CDH13: variants seen among roughly 807,000 people sequenced by gnomAD.
CDH13 encodes the protein cadherin 13.
In CDH13, 24 loss-of-function variants were observed where a neutral mutation model predicts 63.8. The observed-to-expected ratio is 0.38, with a 90% CI of 0.27 to 0.53. The LOEUF (loss-of-function observed/expected upper bound fraction) is 0.53, where lower values mean the gene tolerates loss of function less well. CDH13 is among the 20% of genes least tolerant of loss of function. The pLI, the probability that CDH13 is intolerant of heterozygous loss-of-function variation, is 0.85. For synonymous variants in CDH13, 503 were observed against 355.3 expected (o/e 1.42, Z -4.67); for missense variants, 1,049 against 903.1 (o/e 1.16, Z -2.07).
chr16:82,897,190 A>G (rs1053734988), intron 2 of CDH13, among the ~76,000 whole-genome samples: 4 of 152,142 alleles, frequency 2.6e-5, no homozygotes, highest in African/African-American at 9.7e-5. Flanking sequence ...GCCTTAGCAT[A>G]GCTTTTGAAC....
intron 4 of CDH13, among the ~76,000 whole-genome samples, chr16:83,140,546 C>G (rs1051083644): frequency 3.3e-5 from 5 of 152,236 alleles, no homozygotes; most frequent in African/African-American, 9.6e-5. Flanking sequence ...CTCGCTGTCT[C>G]AGGTTCAAGT....
intron 1 of CDH13, chr16:82,639,327 G>A (rs1331384532): frequency 4.7e-6 from 7 of 1,478,778 alleles, no homozygotes; most frequent in Non-Finnish European, 4.6e-6. Flanking sequence ...GGTCATTTGT[G>A]TTCTTTGTCT....
intron 7 of CDH13, among the ~76,000 whole-genome samples, chr16:83,595,621 C>T (rs1230126080): frequency 6.6e-6 from 1 of 152,176 alleles, no homozygotes; most frequent in Admixed American, 6.5e-5. Context: ...ATCCAGGTTT[C>T]TTCCTTTTGA....
intron 7 of CDH13, among the ~76,000 whole-genome samples, chr16:83,492,039 C>T (rs2074025579): frequency 6.6e-6 from 1 of 152,138 alleles, no homozygotes; most frequent in Admixed American, 6.5e-5. Context: ...CATCCTATGC[C>T]ATCTAGCCAA....
rs2169450 is a variant in CDH13 at position 82,810,440 on chromosome 16, C to T, written c.46-47922C>T. 2.4e-3 allele frequency among the ~76,000 whole-genome samples: 358 copies of T among 152,124 alleles called. 2 individuals are homozygous for T. Among genetic ancestry groups the T allele is most frequent in the Non-Finnish European group, 3.8e-3 (259 of 67,988 alleles). The stretch of plus-strand genomic sequence containing the variant: ...AATCCTTGGGAACTTTAATCGTCTC[C>T]TCAATAATTCTCATTTTGAGAGGAT... On this transcript the variant is annotated intron_variant, in intron 1 of 13. Coordinates refer to ENST00000567109, the MANE Select transcript of CDH13 (RefSeq NM_001257.5).
chr16:83,738,409 A>G (rs192236571), intron 10 of CDH13, among the ~76,000 whole-genome samples: 19 of 152,330 alleles, frequency 1.2e-4, no homozygotes, highest in African/African-American at 4.6e-4. Flanking sequence ...TTATCTCTGG[A>G]AGTGGATTAG....
At chr16:83,301,534 G>A (rs1313407939) in intron 5 of CDH13, among the ~76,000 whole-genome samples, 3 of 152,094 alleles carry the variant, frequency 2.0e-5, no homozygotes, top group South Asian at 4.2e-4. Context: ...GAAGGGTCTC[G>A]TGGGGAGGGA....
intron 3 of CDH13, among the ~76,000 whole-genome samples, chr16:83,091,315 T>G (rs960905487): frequency 6.6e-6 from 1 of 152,228 alleles, no homozygotes; most frequent in Non-Finnish European, 1.5e-5. Context: ...CTACTTTATG[T>G]TGAATTATTT....
intron 1 of CDH13, among the ~76,000 whole-genome samples, chr16:82,664,937 C>G (rs1233637215): frequency 6.6e-6 from 1 of 151,976 alleles, no homozygotes; most frequent in Non-Finnish European, 1.5e-5. Context: ...GTAATTGATT[C>G]TCATTATTCA....
chr16:82,860,707 A>G (rs549248001), intron 2 of CDH13, among the ~76,000 whole-genome samples: 2 of 152,262 alleles, frequency 1.3e-5, no homozygotes, highest in South Asian at 2.1e-4. Flanking sequence ...AGCAATGAAC[A>G]TATTATGAGT....
chr16:83,419,154 T>C (rs771862073), intron 6 of CDH13, among the ~76,000 whole-genome samples: 2 of 152,158 alleles, frequency 1.3e-5, no homozygotes, highest in Admixed American at 6.5e-5. Flanking sequence ...TGCTGCTTGC[T>C]TTTCATGAAA....
chr16:83,324,013 A>G (rs1021004995), intron 5 of CDH13, among the ~76,000 whole-genome samples: 1 of 150,212 alleles, frequency 6.7e-6, no homozygotes, highest in Non-Finnish European at 1.5e-5. Flanking sequence ...TCATGCAACC[A>G]TCATCACAGG....
At chr16:83,035,187 A>G (rs1916738607) in intron 3 of CDH13, among the ~76,000 whole-genome samples, 1 of 152,234 alleles carries the variant, frequency 6.6e-6, no homozygotes, top group East Asian at 1.9e-4. Context: ...TGCACGTGGT[A>G]TGTTTGCAGG....
At chr16:83,768,926 T>C (rs990302216) in intron 11 of CDH13, among the ~76,000 whole-genome samples, 2 of 152,206 alleles carry the variant, frequency 1.3e-5, no homozygotes, top group African/African-American at 4.8e-5. Flanking sequence ...TTAGAATGCC[T>C]TAACCGTCTG....
chr16:82,888,630 C>A (rs1171776839), intron 2 of CDH13, among the ~76,000 whole-genome samples: 1 of 152,188 alleles, frequency 6.6e-6, no homozygotes, highest in African/African-American at 2.4e-5. Context: ...GCCTTGTAGA[C>A]CTCCCCTAGC....
chr16:83,750,701 T>C (rs1306981489), intron 11 of CDH13, among the ~76,000 whole-genome samples: 1 of 152,124 alleles, frequency 6.6e-6, no homozygotes, highest in Non-Finnish European at 1.5e-5. Flanking sequence ...GTCAAGGAGT[T>C]CCAAAGATTC....
At chr16:82,810,221 A>G (rs2037373381) in intron 1 of CDH13, among the ~76,000 whole-genome samples, 1 of 152,236 alleles carries the variant, frequency 6.6e-6, no homozygotes, top group African/African-American at 2.4e-5. Flanking sequence ...CCAGTTCAAC[A>G]AAAGAATAAC....
At chr16:82,957,654 G>T (rs963536378) in intron 2 of CDH13, among the ~76,000 whole-genome samples, 1 of 152,156 alleles carries the variant, frequency 6.6e-6, no homozygotes, top group African/African-American at 2.4e-5. Flanking sequence ...GACTCAGAAA[G>T]GTCTGGATGC....
chr16:83,226,879 C>T (rs111798036), intron 5 of CDH13, among the ~76,000 whole-genome samples: 2 of 152,140 alleles, frequency 1.3e-5, no homozygotes, highest in African/African-American at 4.8e-5. Flanking sequence ...CAGCTCCCGC[C>T]ACCCATTAGC....
Sources: allele counts gnomAD v4.1 joint callset (sites outside exome capture counted in the v4.1 genomes callset), GRCh38; gene constraint gnomAD v4.1.1; transcripts MANE v1.5; gene names NCBI Gene and HGNC (gene_info 2026-07-23, HGNC 2026-07-21).